The following TEX36 variants were observed in gnomAD, a reference collection of about 807,000 sequenced individuals.
TEX36 encodes the protein testis expressed 36.
TEX36 carries 12 observed loss-of-function variants against 13.6 expected under a neutral mutation model. That is an observed-to-expected ratio of 0.88 (90% confidence interval 0.56 to 1.43). The LOEUF (loss-of-function observed/expected upper bound fraction) is 1.43, where lower values mean the gene tolerates loss of function less well. Ranked by LOEUF, TEX36 falls within the 40% of genes most tolerant of loss-of-function variation. The pLI is 0.00. For missense variants in TEX36, 224 were observed against 228.3 expected (o/e 0.98, Z 0.12); for synonymous variants, 93 against 83.0 (o/e 1.12, Z -0.65).
At chr10:125,673,700 G>A (rs1438163536) in intron 1 of TEX36, among the ~76,000 whole-genome samples, 1 of 113,262 alleles carries the variant, frequency 8.8e-6, no homozygotes, top group Non-Finnish European at 1.7e-5. Flanking sequence ...ACGAGAGAGA[G>A]ACTCTCTCTC....
chr10:125,643,040 G>T (rs1458517844), intron 3 of TEX36, among the ~76,000 whole-genome samples: 1 of 152,150 alleles, frequency 6.6e-6, no homozygotes, highest in Non-Finnish European at 1.5e-5. Context: ...GAAGGGGCAG[G>T]GTCCAGGGCA....
At chr10:125,643,518 CG>C (rs1846721028) in intron 3 of TEX36, among the ~76,000 whole-genome samples, 1 of 151,962 alleles carries the variant, frequency 6.6e-6, no homozygotes, top group South Asian at 2.1e-4. Flanking sequence ...CTGAGGAGGG[CG>C]GATCACGAGG....
chr10:125,682,220 C>G (rs1028862385), intron 1 of TEX36, among the ~76,000 whole-genome samples: 1 of 152,114 alleles, frequency 6.6e-6, no homozygotes, highest in Non-Finnish European at 1.5e-5. Flanking sequence ...GCTTGGCCGA[C>G]AAGGCTAAGA....
intron 3 of TEX36, among the ~76,000 whole-genome samples, chr10:125,629,492 C>T (rs932710440): frequency 1.9e-4 from 29 of 151,908 alleles, no homozygotes; most frequent in Admixed American, 1.9e-3. Context: ...AATAATGAAG[C>T]ATTATTTAAT....
At chr10:125,657,732 G>A (rs1846970912) in intron 3 of TEX36, among the ~76,000 whole-genome samples, 1 of 152,136 alleles carries the variant, frequency 6.6e-6, no homozygotes, top group Admixed American at 6.6e-5. Context: ...TGAGCTCCCA[G>A]CTGAAGTCCA....
intron 1 of TEX36, among the ~76,000 whole-genome samples, chr10:125,666,508 T>C (rs558077559): frequency 9.7e-4 from 148 of 152,324 alleles, no homozygotes; most frequent in African/African-American, 3.3e-3. Context: ...GTTTACGGAT[T>C]TGTGTGTGTC....
downstream of TEX36, among the ~76,000 whole-genome samples, chr10:125,618,942 T>TAAAAAAAAAAAAAAAAAAAAAAAAAA (rs11452140): frequency 2.3e-5 from 1 of 43,586 alleles, no homozygotes; most frequent in African/African-American, 9.9e-5. Context: ...CCGTCTCTAC[T>TAAAAAAAAAAAAAAAAAAAAAAAAAA]AAAAAAAAAA....
chr10:125,680,124 G>T (rs1028387719), intron 1 of TEX36, among the ~76,000 whole-genome samples: 5 of 152,212 alleles, frequency 3.3e-5, no homozygotes, highest in African/African-American at 1.2e-4. Flanking sequence ...GTTTTCCAAA[G>T]AAATATTTTT....
At chr10:125,666,213 G>A (rs527527468) in intron 1 of TEX36, among the ~76,000 whole-genome samples, 2 of 152,148 alleles carry the variant, frequency 1.3e-5, no homozygotes, top group Admixed American at 6.5e-5. Flanking sequence ...TGATTGCTCT[G>A]GCTAGGACTT....
chr10:125,670,928 T>A (rs1847216093), intron 1 of TEX36, among the ~76,000 whole-genome samples: 1 of 152,200 alleles, frequency 6.6e-6, no homozygotes. Context: ...GTTATTTTGT[T>A]CCATTGGTCT....
intron 3 of TEX36, among the ~76,000 whole-genome samples, chr10:125,645,931 C>T (rs748383278): frequency 6.6e-6 from 1 of 152,290 alleles, no homozygotes; most frequent in Middle Eastern, 3.4e-3. Context: ...TCATACAAAT[C>T]TTAATCACTG....
At chr10:125,619,655 C>T (rs547052469), downstream of TEX36, among the ~76,000 whole-genome samples, 1 of 152,078 alleles carries the variant, frequency 6.6e-6, no homozygotes, top group East Asian at 1.9e-4. Context: ...GGTCCAGGTT[C>T]AAGCAATTCT....
At chr10:125,674,027 C>T (rs1237563055) in intron 1 of TEX36, among the ~76,000 whole-genome samples, 1 of 152,076 alleles carries the variant, frequency 6.6e-6, no homozygotes, top group African/African-American at 2.4e-5. Flanking sequence ...CAACTTGGTT[C>T]TGTTCTCTCT....
At chr10:125,648,737 C>A (rs568002945) in intron 3 of TEX36, among the ~76,000 whole-genome samples, 12 of 152,158 alleles carry the variant, frequency 7.9e-5, no homozygotes, top group African/African-American at 2.9e-4. Context: ...TCGAACCCAT[C>A]GCAAAGAAGC....
intron 1 of TEX36, among the ~76,000 whole-genome samples, chr10:125,673,383 C>T (rs1339271285): frequency 2.6e-5 from 4 of 152,054 alleles, no homozygotes; most frequent in African/African-American, 9.7e-5. Flanking sequence ...CTTAGTTTAG[C>T]CAGATATGAA....
At chr10:125,676,740 C>T (rs1290440071) in intron 1 of TEX36, among the ~76,000 whole-genome samples, 1 of 152,076 alleles carries the variant, frequency 6.6e-6, no homozygotes, top group East Asian at 1.9e-4. Flanking sequence ...CGGTGGATTT[C>T]TGTAGTGGTA....
intron 1 of TEX36, among the ~76,000 whole-genome samples, chr10:125,676,389 T>A (rs1847312825): frequency 6.6e-6 from 1 of 152,222 alleles, no homozygotes. Context: ...TTTTTTACTG[T>A]TCTTGACTTA....
At chr10:125,634,415 T>A (rs962819692) in intron 3 of TEX36, among the ~76,000 whole-genome samples, 1 of 152,186 alleles carries the variant, frequency 6.6e-6, no homozygotes, top group Non-Finnish European at 1.5e-5. Flanking sequence ...TTAGTCTTGA[T>A]CCGAGTACTG....
At chr10:125,600,494 T>C (rs1178843211) in intron 3 of TEX36, among the ~76,000 whole-genome samples, 1 of 152,220 alleles carries the variant, frequency 6.6e-6, no homozygotes, top group Non-Finnish European at 1.5e-5. Flanking sequence ...CTGGTGGACC[T>C]TCCTTTACTT....
Sources: gnomAD v4.1 joint callset for allele counts (sites outside exome capture counted in the v4.1 genomes callset) on GRCh38, gnomAD v4.1.1 for gene constraint, MANE v1.5 for transcripts, NCBI Gene and HGNC (gene_info 2026-07-23, HGNC 2026-07-21) for gene names.